The following LHFPL3 variants were observed in gnomAD, a reference collection of about 807,000 sequenced individuals.
LHFPL3 encodes LHFPL tetraspan subfamily member 3 protein.
In LHFPL3, 5 loss-of-function variants were observed where a neutral mutation model predicts 19.3. That is an observed-to-expected ratio of 0.26 (90% CI 0.14 to 0.54). The LOEUF is 0.54. Among genes scored for constraint, LHFPL3 ranks in the 20% least tolerant of loss-of-function variants. The pLI is 0.94. For synonymous variants in LHFPL3, 133 were observed against 126.2 expected (o/e 1.05, Z -0.36); for missense variants, 249 against 307.4 (o/e 0.81, Z 1.42).
chr7:104,568,962 T>C (rs73409775), intron 1 of LHFPL3, among the ~76,000 whole-genome samples: 10,068 of 150,318 alleles, frequency 0.067, 510 homozygotes, highest in African/African-American at 0.15. Context: ...AAGGCTAACA[T>C]AATTATGTTT....
intron 1 of LHFPL3, among the ~76,000 whole-genome samples, chr7:104,650,537 A>T (rs1042899334): frequency 2.0e-5 from 3 of 152,258 alleles, no homozygotes; most frequent in African/African-American, 7.2e-5. Context: ...TGGACAATGC[A>T]TGAGCAAAAT....
chr7:104,644,456 G>A (rs918929329), intron 1 of LHFPL3, among the ~76,000 whole-genome samples: 1 of 152,154 alleles, frequency 6.6e-6, no homozygotes, highest in Non-Finnish European at 1.5e-5. Flanking sequence ...TATGAAAGCC[G>A]ACACAGGAAA....
Position 104,885,683 on chromosome 7 carries a change from A to G in LHFPL3, c.683-20504A>G, listed in dbSNP as rs573524961. On this transcript the variant is annotated intron_variant, in intron 2 of 2. Coordinates refer to ENST00000424859, the MANE Select transcript of LHFPL3 (RefSeq NM_199000.3). The stretch of plus-strand genomic sequence containing the variant: ...CTTCCAGACCATGTCATCACCTTCT[A>G]ACTGTCCTCTCTGCTTCAACTCTTA... Among the ~76,000 whole-genome samples, 13 of 152,072 alleles carry G rather than the reference A, an allele frequency of 8.5e-5. No homozygotes were observed. In the East Asian group the frequency reaches 2.5e-3, roughly 29 times the overall value.
rs1020210125 is a variant in LHFPL3, at chr7:104,590,824, T to C, written c.446-145851T>C. ...GTATTGGGTGCCTATATATTTAGGA[T>C]AGTTAGCTCTTCTTGTTGAATTGAT... On this transcript the variant is annotated intron_variant, in intron 1 of 2. Coordinates refer to ENST00000424859, the MANE Select transcript of LHFPL3 (RefSeq NM_199000.3). 4.6e-5 allele frequency among the ~76,000 whole-genome samples: 7 copies of C among 152,342 alleles called. No individual in the cohort carries two copies. In the East Asian group the frequency reaches 9.6e-4, roughly 21 times the overall value.
chr7:104,524,350 G>C (rs1452445796), intron 1 of LHFPL3, among the ~76,000 whole-genome samples: 1 of 152,158 alleles, frequency 6.6e-6, no homozygotes, highest in Non-Finnish European at 1.5e-5. Flanking sequence ...CAAAGTTAAA[G>C]AGATCTTGAC....
At chr7:104,343,879 T>C (rs570941969) in intron 1 of LHFPL3, among the ~76,000 whole-genome samples, 16 of 152,266 alleles carry the variant, frequency 1.1e-4, no homozygotes, top group Admixed American at 3.3e-4. Flanking sequence ...TATTTTCTTA[T>C]AGTTTTATCA....
At chr7:104,771,105 G>A (rs1794542766) in intron 2 of LHFPL3, among the ~76,000 whole-genome samples, 1 of 152,096 alleles carries the variant, frequency 6.6e-6, no homozygotes, top group Admixed American at 6.5e-5. Context: ...AGCCCTTCCA[G>A]TTCTTTCTCC....
At chr7:104,597,557 G>T (rs188319881) in intron 1 of LHFPL3, among the ~76,000 whole-genome samples, 502 of 152,236 alleles carry the variant, frequency 3.3e-3, no homozygotes, top group Middle Eastern at 0.01. Context: ...TGCCTCTATT[G>T]ACATGGTGGG....
intron 1 of LHFPL3, among the ~76,000 whole-genome samples, chr7:104,598,688 C>A (rs1165710275): frequency 6.6e-6 from 1 of 152,234 alleles, no homozygotes; most frequent in Non-Finnish European, 1.5e-5. Flanking sequence ...GAGTCCTTCT[C>A]TACTCATAAC....
chr7:104,565,629 A>G (rs1562936603), intron 1 of LHFPL3, among the ~76,000 whole-genome samples: 4 of 152,192 alleles, frequency 2.6e-5, no homozygotes, highest in Non-Finnish European at 5.9e-5. Flanking sequence ...AATGAAAACC[A>G]TTAAACAAAT....
chr7:104,602,020 CTTT>C (rs57501560), intron 1 of LHFPL3, among the ~76,000 whole-genome samples: 1 of 91,456 alleles, frequency 1.1e-5, no homozygotes, highest in Non-Finnish European at 1.9e-5. Context: ...TTTTTCTTTT[CTTT>C]TTTTTTTTTT....
chr7:104,747,105 T>TGG (rs1794061212), intron 2 of LHFPL3, among the ~76,000 whole-genome samples: 1 of 152,234 alleles, frequency 6.6e-6, no homozygotes, highest in Non-Finnish European at 1.5e-5. Flanking sequence ...ACACCTGTAT[T>TGG]TATGAGGTAA....
chr7:104,631,831 A>G (rs1791647453), intron 1 of LHFPL3, among the ~76,000 whole-genome samples: 2 of 152,220 alleles, frequency 1.3e-5, no homozygotes, highest in Admixed American at 1.3e-4. Context: ...AGACCTAGCT[A>G]CAACCTTTGT....
At chr7:104,559,386 G>A (rs1432140747) in intron 1 of LHFPL3, among the ~76,000 whole-genome samples, 1 of 150,152 alleles carries the variant, frequency 6.7e-6, no homozygotes, top group Non-Finnish European at 1.5e-5. Flanking sequence ...TCCTTGAAGA[G>A]GTCCTTCACA....
At chr7:104,723,053 T>C (rs941085145) in intron 1 of LHFPL3, among the ~76,000 whole-genome samples, 1 of 152,192 alleles carries the variant, frequency 6.6e-6, no homozygotes, top group Non-Finnish European at 1.5e-5. Flanking sequence ...TTTGCTTCAT[T>C]TTCCTTTGAA....
At chr7:104,888,636 G>C (rs912061480) in intron 2 of LHFPL3, among the ~76,000 whole-genome samples, 2 of 152,188 alleles carry the variant, frequency 1.3e-5, no homozygotes, top group African/African-American at 4.8e-5. Flanking sequence ...GAGATGTAAG[G>C]CCTGGTTCTT....
intron 1 of LHFPL3, among the ~76,000 whole-genome samples, chr7:104,653,448 T>G (rs75354951): frequency 2.6e-5 from 4 of 152,306 alleles, no homozygotes; most frequent in Middle Eastern, 3.4e-3. Context: ...ATAGAGGCAA[T>G]GCTCAAAACC....
At chr7:104,804,389 C>A (rs1394542730) in intron 2 of LHFPL3, among the ~76,000 whole-genome samples, 3 of 152,214 alleles carry the variant, frequency 2.0e-5, no homozygotes, top group Non-Finnish European at 2.9e-5. Flanking sequence ...TGGATGTCTG[C>A]CATCACTTTC....
intron 1 of LHFPL3, chr7:104,469,959 G>A (rs548466417): frequency 2.4e-5 from 11 of 455,526 alleles, no homozygotes; most frequent in Admixed American, 1.2e-4. Flanking sequence ...AAAACTGTAC[G>A]GAAATAGGTG....
Sources: gnomAD v4.1 joint callset for allele counts (sites outside exome capture counted in the v4.1 genomes callset) on GRCh38, gnomAD v4.1.1 for gene constraint, MANE v1.5 for transcripts, NCBI Gene and HGNC (gene_info 2026-07-23, HGNC 2026-07-21) for gene names.